Variants in ERICH3 observed in about 807,000 individuals in gnomAD.
ERICH3 encodes glutamate-rich protein 3.
A neutral mutation model predicts 131.1 loss-of-function variants in ERICH3; 126 were observed. The observed-to-expected ratio is 0.96, with a 90% CI of 0.83 to 1.11. The LOEUF is 1.11. Among genes scored for constraint, ERICH3 ranks in the 50% most tolerant of loss-of-function variants. The pLI is 0.00. For synonymous variants in ERICH3, 695 were observed against 644.6 expected, an observed-to-expected ratio of 1.08 and a Z score of -1.18; for missense variants, 2,050 against 1,810.7, an observed-to-expected ratio of 1.13 and a Z score of -2.40.
chr1:74,580,628 G>C (rs1289811222), intron 12 of ERICH3, among the ~76,000 whole-genome samples: 1 of 152,164 alleles, frequency 6.6e-6, no homozygotes, highest in Non-Finnish European at 1.5e-5. Context: ...GAAAAGTGGT[G>C]GCAAGGATAG....
chr1:74,670,650 A>C (rs1325870759), intron 1 of ERICH3, among the ~76,000 whole-genome samples: 1 of 152,208 alleles, frequency 6.6e-6, no homozygotes, highest in Admixed American at 6.5e-5. Context: ...TAATTTTGTT[A>C]ACTATACAAA....
chr1:74,621,905 C>T (rs1174788031), intron 7 of ERICH3: 2 of 152,122 alleles, frequency 1.3e-5, no homozygotes, highest in African/African-American at 4.8e-5. Flanking sequence ...TAGAATTGTA[C>T]ACAGGCCAGC....
At position 74,589,649 on chromosome 1, in the gene ERICH3, G is replaced by A; in HGVS notation, c.2158C>T (p.Pro720Ser). ...AQVKDKKAGL[P>S]GLEEGGKDSL... is the part of the protein sequence containing the mutation. Reference sequence around the variant, plus strand: ...TACTTACCACCTTCCTCCAACCCAGGGAGACCTGCCTTTTTGTCCTTCACC... The same window carrying A: ...TACTTACCACCTTCCTCCAACCCAGAGAGACCTGCCTTTTTGTCCTTCACC... Residue 720 changes from proline (P) to serine (S), a missense_variant, in exon 12 of 15, where the codon CCT becomes TCT. By Grantham distance (74) the Pro-to-Ser change is moderately conservative (BLOSUM62 -1). Coordinates refer to ENST00000326665, the MANE Select transcript of ERICH3 (RefSeq NM_001002912.5). 6.2e-7 allele frequency: 1 copy of A among 1,613,846 alleles called. No homozygotes were observed. Among genetic ancestry groups the A allele is most frequent in the Non-Finnish European group, 8.5e-7 (1 of 1,179,884 alleles).
chr1:74,599,505 G>A (rs995321835), intron 11 of ERICH3, among the ~76,000 whole-genome samples, 190 bp downstream of exon 11: 8 of 151,888 alleles, frequency 5.3e-5, no homozygotes, highest in South Asian at 2.1e-4. Flanking sequence ...ATGAAATAAC[G>A]TGTACGACGA....
At chr1:74,600,126 G>A (rs1648059181) in intron 10 of ERICH3, among the ~76,000 whole-genome samples, 195 bp from the exon 11 acceptor site, 1 of 151,664 alleles carries the variant, frequency 6.6e-6, no homozygotes, top group African/African-American at 2.4e-5. Context: ...ACATACACAA[G>A]AGCACAAAAG....
In ERICH3 at chr1:74,636,410, C is replaced by T. The variant is rs267598720; in HGVS notation, c.473G>A (p.Gly158Glu). 6.2e-7 allele frequency: 1 copy of T among 1,612,660 alleles called. No homozygotes were observed. Among genetic ancestry groups the T allele is most frequent in the South Asian group, 1.1e-5 (1 of 90,934 alleles). The stretch of plus-strand genomic sequence containing the variant: ...TAATCGAATTGGAGGCTGCATATTT[C>T]CTGGAGCAGTATATGGTCGAGGGGC... The part of the protein sequence containing the change: ...LTAPRPYTAP[G>E]NMQPPIRLQP... Residue 158 changes from glycine to glutamate, a missense_variant, in exon 6 of 15, where the codon GGA becomes GAA. Physicochemically the swap from Gly to Glu is moderately conservative, Grantham distance 98. Transcript: ENST00000326665.
intron 10 of ERICH3, among the ~76,000 whole-genome samples, chr1:74,604,985 T>C (rs1648316551): frequency 6.6e-6 from 1 of 151,952 alleles, no homozygotes; most frequent in Admixed American, 6.6e-5. Flanking sequence ...CTAGATGGCA[T>C]CTTTTTCCAA....
chr1:74,635,588 G>A (rs1646381408), intron 6 of ERICH3, among the ~76,000 whole-genome samples: 1 of 151,892 alleles, frequency 6.6e-6, no homozygotes, highest in South Asian at 2.1e-4. Flanking sequence ...TCTTAAGCTG[G>A]CAAAATTTTC....
intron 8 of ERICH3, among the ~76,000 whole-genome samples, chr1:74,616,508 C>A (rs1648973211): frequency 6.6e-6 from 1 of 152,086 alleles, no homozygotes; most frequent in Admixed American, 6.5e-5. Flanking sequence ...CAGTAGCTTT[C>A]CCTTAGGCAC....
intron 1 of ERICH3, among the ~76,000 whole-genome samples, chr1:74,660,151 C>A (rs1364199703): frequency 6.6e-6 from 1 of 152,036 alleles, no homozygotes; most frequent in South Asian, 2.1e-4. Context: ...GGGGCTTCCC[C>A]TTTTGCTTGG....
intron 3 of ERICH3, among the ~76,000 whole-genome samples, chr1:74,643,550 T>TA (rs778536620): frequency 3.9e-5 from 6 of 152,122 alleles, no homozygotes; most frequent in Non-Finnish European, 7.4e-5. Flanking sequence ...AGATTTTGTT[T>TA]AAAAAATGGA....
intron 3 of ERICH3, among the ~76,000 whole-genome samples, 178 bp from the exon 4 acceptor site, chr1:74,643,276 A>C (rs1049818362): frequency 6.6e-6 from 1 of 152,142 alleles, no homozygotes; most frequent in Non-Finnish European, 1.5e-5. Flanking sequence ...AACTATTTGG[A>C]AATTCAATTT....
At chr1:74,607,774 C>G (rs1648474405) in intron 9 of ERICH3, among the ~76,000 whole-genome samples, 1 of 151,758 alleles carries the variant, frequency 6.6e-6, no homozygotes, top group Non-Finnish European at 1.5e-5. Context: ...AATAAATTGT[C>G]TTCTATAGCT....
At chr1:74,590,566 A>G (rs1400546909) in intron 11 of ERICH3, among the ~76,000 whole-genome samples, 1 of 152,174 alleles carries the variant, frequency 6.6e-6, no homozygotes, top group Non-Finnish European at 1.5e-5. Flanking sequence ...TTCTGCTCCT[A>G]TGAGGATCTA....
At chr1:74,593,036 C>T (rs978902492) in intron 11 of ERICH3, among the ~76,000 whole-genome samples, 1 of 152,112 alleles carries the variant, frequency 6.6e-6, no homozygotes, top group East Asian at 1.9e-4. Context: ...AACAGCTATG[C>T]CTCCTACCCA....
chr1:74,622,544 C>T (rs1165508060), intron 7 of ERICH3: 2 of 152,258 alleles, frequency 1.3e-5, no homozygotes, highest in African/African-American at 2.4e-5. Flanking sequence ...ATCAGCAGAC[C>T]TCAGGCAAAT....
At chr1:74,653,221 G>GT (rs540307614) in intron 1 of ERICH3, among the ~76,000 whole-genome samples, 2 of 152,064 alleles carry the variant, frequency 1.3e-5, no homozygotes, top group Non-Finnish European at 2.9e-5. Context: ...CACTATAATA[G>GT]TTTTTTTAAA....
At chr1:74,670,672 CAT>C (rs1311126443) in intron 1 of ERICH3, among the ~76,000 whole-genome samples, 1 of 152,100 alleles carries the variant, frequency 6.6e-6, no homozygotes, top group Non-Finnish European at 1.5e-5. Context: ...TGATGTAAAA[CAT>C]GTGTGTTTGA....
chr1:74,614,006 T>C (rs1475991184), intron 8 of ERICH3, among the ~76,000 whole-genome samples: 2 of 152,202 alleles, frequency 1.3e-5, no homozygotes, highest in Non-Finnish European at 2.9e-5. Flanking sequence ...GCTATACCAG[T>C]GGTTTTCAAA....
Sources: gnomAD v4.1 joint callset for allele counts (sites outside exome capture counted in the v4.1 genomes callset) on GRCh38, gnomAD v4.1.1 for gene constraint, MANE v1.5 for transcripts, NCBI Gene and HGNC (gene_info 2026-07-23, HGNC 2026-07-21) for gene names.